Variants in NTN1 observed in about 807,000 individuals in gnomAD.
The protein encoded by NTN1 is netrin 1, also known as netrin-1.
Under a neutral mutation model 54.2 loss-of-function variants are expected in NTN1, and 11 were observed. The observed-to-expected ratio is 0.20, with a 90% CI of 0.13 to 0.34. The LOEUF (loss-of-function observed/expected upper bound fraction) is 0.34, where lower values mean the gene tolerates loss of function less well. Ranked by LOEUF, NTN1 falls within the 10% of genes least tolerant of loss-of-function variation. NTN1 has a pLI of 1.00. For missense variants in NTN1, 740 were observed against 893.1 expected, an observed-to-expected ratio of 0.83 and a Z score of 2.18; for synonymous variants, 371 against 382.0, an observed-to-expected ratio of 0.97 and a Z score of 0.33.
At chr17:9,029,721 C>T (rs1390578768) in intron 2 of NTN1, among the ~76,000 whole-genome samples, 14 of 152,152 alleles carry the variant, frequency 9.2e-5, no homozygotes, top group African/African-American at 2.7e-4. Context: ...TGGCCGGGCG[C>T]GGTGGCTCAC....
chr17:9,193,080 AAAAAAAAAAAAAAAAG>A (rs1238345487), intron 5 of NTN1, among the ~76,000 whole-genome samples: 4 of 23,994 alleles, frequency 1.7e-4, no homozygotes, highest in Non-Finnish European at 2.8e-4. Context: ...ACTCTGTCTC[AAAAAAAAAAAAAAAAG>A]AAAAAGAAAA....
rs540325449 is a variant in NTN1, at chr17:9,219,039, G to C, written c.1412-2129G>C. 6.6e-6 allele frequency among the ~76,000 whole-genome samples: 1 copy of C among 152,308 alleles called. No homozygotes were observed. Among genetic ancestry groups the C allele is most frequent in the East Asian group, 1.9e-4 (1 of 5,184 alleles). Reference sequence around the variant, plus strand: ...AGAAAGCAGGAAGGGATTTCAGCCAGCTCACGCAGAATCGCCAGGACTTAC... The same window carrying C: ...AGAAAGCAGGAAGGGATTTCAGCCACCTCACGCAGAATCGCCAGGACTTAC... On this transcript the variant is annotated intron_variant, in intron 5 of 6. Coordinates refer to ENST00000173229, the MANE Select transcript of NTN1 (RefSeq NM_004822.3). The surrounding 1 kb of genome is among the most constrained non-coding windows in gnomAD (Gnocchi z 4.5).
At chr17:9,090,186 T>C (rs1295169806) in intron 2 of NTN1, among the ~76,000 whole-genome samples, 1 of 151,388 alleles carries the variant, frequency 6.6e-6, no homozygotes, top group Non-Finnish European at 1.5e-5. Context: ...TCTTTTTCTT[T>C]TTTTTTTTGA....
intron 2 of NTN1, among the ~76,000 whole-genome samples, chr17:9,139,204 C>A (rs2142278307): frequency 6.6e-6 from 1 of 152,156 alleles, no homozygotes; most frequent in South Asian, 2.1e-4. Flanking sequence ...CGAGACATGT[C>A]CTTTAGGCTC....
At chr17:9,052,298 C>G (rs2091963424) in intron 2 of NTN1, among the ~76,000 whole-genome samples, 1 of 152,124 alleles carries the variant, frequency 6.6e-6, no homozygotes, top group Non-Finnish European at 1.5e-5. Context: ...AGAGGGTGAG[C>G]CTGAGTTAAG....
intron 2 of NTN1, among the ~76,000 whole-genome samples, chr17:9,049,098 A>G (rs1359476039): frequency 6.6e-6 from 1 of 152,226 alleles, no homozygotes; most frequent in Non-Finnish European, 1.5e-5. Context: ...ATCACTGTCC[A>G]CTGATTTCAG....
rs904947175 is a variant in NTN1, at chr17:9,241,308, G to A, written c.*1340G>A. 29 of 152,532 alleles carry A rather than the reference G, an allele frequency of 1.9e-4. No individual in the cohort carries two copies. The highest frequency in any genetic ancestry group is 7.7e-4 in the East Asian group (4 of 5,176). 9.4% of individuals were successfully genotyped at this position (152,532 alleles called of 1,614,324 possible). A position where few individuals can be genotyped will look rare whatever the true frequency, so the allele number is the denominator to read the frequency against. ...ACACCTTGACCGTGCCTTTCCAGAC[G>A]GTCTTTGTGGAGTCTGCCCGTGCCC... On this transcript the variant is annotated 3_prime_UTR_variant, in exon 7 of 7. Transcript: ENST00000173229.
chr17:9,164,566 G>A (rs2092368620), intron 3 of NTN1, among the ~76,000 whole-genome samples: 1 of 152,134 alleles, frequency 6.6e-6, no homozygotes, highest in Non-Finnish European at 1.5e-5. Flanking sequence ...TGAGCACGGG[G>A]CCCATGAATC....
intron 2 of NTN1, among the ~76,000 whole-genome samples, chr17:9,146,836 G>A (rs1597505563): frequency 6.6e-6 from 1 of 152,186 alleles, no homozygotes; most frequent in Admixed American, 6.5e-5. Flanking sequence ...CAGAGCCAGC[G>A]AGGCACTGGG....
intron 2 of NTN1, among the ~76,000 whole-genome samples, chr17:9,100,404 T>G (rs1236594494): frequency 2.6e-5 from 4 of 152,168 alleles, no homozygotes; most frequent in African/African-American, 9.7e-5. Context: ...TTCAAGTGAT[T>G]CTTCTGCCTC....
chr17:9,131,357 A>C (rs775142235), intron 2 of NTN1, among the ~76,000 whole-genome samples: 6 of 152,182 alleles, frequency 3.9e-5, no homozygotes, highest in Non-Finnish European at 8.8e-5. Flanking sequence ...CAATCACGAG[A>C]AACAGGGATT....
At chr17:9,004,835 C>A in the NTN1 span, among the ~76,000 whole-genome samples, 1 of 152,184 alleles carries the variant, frequency 6.6e-6, no homozygotes, top group Non-Finnish European at 1.5e-5. Context: ...GGCTCTATGG[C>A]GAAATCTTAG....
chr17:9,238,781 A>G (rs1172272030), intron 6 of NTN1, among the ~76,000 whole-genome samples: 1 of 152,228 alleles, frequency 6.6e-6, no homozygotes, highest in Non-Finnish European at 1.5e-5. Flanking sequence ...TCTTGCAGAA[A>G]TGACATCTGG....
chr17:9,226,163 G>GGGGGC (rs1481503080), intron 6 of NTN1, among the ~76,000 whole-genome samples: 2 of 142,264 alleles, frequency 1.4e-5, no homozygotes, highest in East Asian at 4.6e-4. Flanking sequence ...ATTTGGGGTC[G>GGGGGC]GGGGGGGGCC....
At chr17:9,060,906 G>A (rs1721040875) in intron 2 of NTN1, among the ~76,000 whole-genome samples, 1 of 147,550 alleles carries the variant, frequency 6.8e-6, no homozygotes, top group Non-Finnish European at 1.5e-5. Context: ...AACCTGGGAG[G>A]CGGAGGTTGC....
At position 9,070,214 on chromosome 17, in the gene NTN1, C is replaced by T. The variant is rs968761802; in HGVS notation, c.1018+46823C>T. ...TTCTGTCTATTATTATTGCCCTCTT[C>T]GTGTGATTGTTGTTAAATGAGTTAA... On this transcript the variant is annotated intron_variant, in intron 2 of 6. Transcript: ENST00000173229. 3.9e-5 allele frequency among the ~76,000 whole-genome samples: 6 copies of T among 152,208 alleles called. No individual in the cohort carries two copies. In the South Asian group the frequency reaches 6.2e-4, roughly 16 times the overall value.
Position 9,179,961 on chromosome 17 carries a change from G to T in NTN1, c.1357+5G>T. Reference sequence around the variant, plus strand: ...CTCCCATCGCCCCCTGCATAAGTATGTGTGGGGCACCCTGCTTTTCAAGTC... The same window carrying T: ...CTCCCATCGCCCCCTGCATAAGTATTTGTGGGGCACCCTGCTTTTCAAGTC... On this transcript the variant is annotated splice_donor_5th_base_variant and intron_variant, in intron 4 of 6. Coordinates refer to ENST00000173229, the MANE Select transcript of NTN1 (RefSeq NM_004822.3). 6.2e-7 allele frequency: 1 copy of T among 1,611,030 alleles called. No individual in the cohort carries two copies. Among genetic ancestry groups the T allele is most frequent in the Non-Finnish European group, 8.5e-7 (1 of 1,178,868 alleles).
chr17:9,210,178 C>T (rs970031139), intron 5 of NTN1, among the ~76,000 whole-genome samples: 10 of 152,118 alleles, frequency 6.6e-5, no homozygotes, highest in African/African-American at 1.4e-4. Flanking sequence ...TGAACCATGC[C>T]GAGCTGGGTC....
intron 4 of NTN1, among the ~76,000 whole-genome samples, chr17:9,182,516 C>T (rs759749442): frequency 2.6e-5 from 4 of 152,230 alleles, no homozygotes; most frequent in Admixed American, 6.5e-5. Flanking sequence ...TCCTTCTCCA[C>T]CTGTGAGTTG....
Sources: gnomAD v4.1 joint callset for allele counts (sites outside exome capture counted in the v4.1 genomes callset) on GRCh38, gnomAD v4.1.1 for gene constraint, Gnocchi (gnomAD v3.1) non-coding constraint, MANE v1.5 for transcripts, NCBI Gene and HGNC (gene_info 2026-07-23, HGNC 2026-07-21) for gene names.